The following CLEC3A variants were observed in gnomAD, a reference collection of about 807,000 sequenced individuals.
The protein encoded by CLEC3A is C-type lectin domain family 3 member A.
A neutral mutation model predicts 20.4 loss-of-function variants in CLEC3A; 28 were observed. The observed-to-expected ratio is 1.37, with a 90% CI of 1.02 to 1.88. The LOEUF is 1.88. CLEC3A is among the 40% of genes most tolerant of loss of function. The pLI is 0.00. For synonymous variants in CLEC3A, 110 were observed against 88.1 expected (o/e 1.25, Z -1.39); for missense variants, 357 against 240.4 (o/e 1.48, Z -3.21).
At chr16:78,024,946 C>T (rs968129780) in intron 1 of CLEC3A, among the ~76,000 whole-genome samples, 3 of 152,108 alleles carry the variant, frequency 2.0e-5, no homozygotes, top group African/African-American at 7.2e-5. Context: ...AGTACCTCAG[C>T]CTCTCAAGTA....
At chr16:78,026,828 C>A (rs1227291504) in intron 1 of CLEC3A, among the ~76,000 whole-genome samples, 2 of 152,210 alleles carry the variant, frequency 1.3e-5, no homozygotes, top group African/African-American at 2.4e-5. Flanking sequence ...GATCCTTTAG[C>A]CTCATCCAGG....
In CLEC3A at chr16:78,030,563, A is replaced by G; in HGVS notation, c.316A>G (p.Arg106Gly). Residue 106 changes from arginine to glycine, a missense_variant, in exon 3 of 3, where the codon AGG becomes GGG. By Grantham distance (125) the Arg-to-Gly change is moderately radical. Coordinates refer to ENST00000299642, the MANE Select transcript of CLEC3A (RefSeq NM_005752.6). ...ISKGGILVIP[R>G]NSDEINALQD... ...CAAAGGAGGAATCCTGGTTATCCCC[A>G]GGAACTCCGACGAAATCAACGCCCT... The G allele has an allele frequency of 6.2e-7, 1 of 1,614,188 alleles. No individual in the cohort carries two copies. Among genetic ancestry groups the G allele is most frequent in the Non-Finnish European group, 8.5e-7 (1 of 1,180,038 alleles).
chr16:78,023,237 T>C lies in CLEC3A; in HGVS notation c.115+496T>C, dbSNP rs537805571. ...TTCCTGTTTTGTCATTAGTTATCAT[T>C]AGCTGTATTTCCATATCCTTGGCAG... On this transcript the variant is annotated intron_variant, in intron 1 of 2. Transcript: ENST00000299642. 3.3e-5 allele frequency among the ~76,000 whole-genome samples: 5 copies of C among 152,336 alleles called. No individual in the cohort carries two copies. In the South Asian group the frequency reaches 8.3e-4, roughly 25 times the overall value.
rs541004698 is a variant in CLEC3A at position 78,030,821 on chromosome 16, G to C, written c.574G>C (p.Glu192Gln). 4.3e-6 allele frequency: 7 copies of C among 1,613,036 alleles called. No homozygotes were observed. In the African/African-American group the frequency reaches 6.7e-5, roughly 15 times the overall value. ...ACRSSKRYIC[E>Q]FTIPQ ...TCGCAGCAGCAAGAGATACATATGC[G>C]AGTTCACCATCCCTCAATAGGTCTT... Residue 192 changes from glutamate to glutamine, a missense_variant, in exon 3 of 3, where the codon GAG (glutamate) becomes CAG (glutamine). By Grantham distance (29) the Glu-to-Gln change is conservative. Transcript: ENST00000299642.
chr16:78,028,467 G>A (rs1264912883), intron 2 of CLEC3A, among the ~76,000 whole-genome samples: 2 of 152,196 alleles, frequency 1.3e-5, no homozygotes, highest in African/African-American at 4.8e-5. Flanking sequence ...GAAACAGAAT[G>A]AAGCCAGTAT....
chr16:78,028,966 G>A (rs1271885208), intron 2 of CLEC3A: 10 of 346,234 alleles, frequency 2.9e-5, no homozygotes, highest in South Asian at 9.1e-5. Context: ...TCAGGCTTCC[G>A]GGGGAACAGA....
rs573323112 is a variant in CLEC3A, at chr16:78,025,353, G to A, written c.115+2612G>A. Among the ~76,000 whole-genome samples the A allele has an allele frequency of 3.3e-4, 50 of 152,296 alleles. No individual in the cohort carries two copies. In the South Asian group the frequency reaches 0.01, roughly 32 times the overall value. On this transcript the variant is annotated intron_variant, in intron 1 of 2. Coordinates refer to ENST00000299642, the MANE Select transcript of CLEC3A (RefSeq NM_005752.6). ...TTTGATTCAATAGCCCCAAGTAACTGCTTTGCACACATACTGCTCCCCATG... is the reference window on the plus strand; with the variant it reads ...TTTGATTCAATAGCCCCAAGTAACTACTTTGCACACATACTGCTCCCCATG...
chr16:78,030,318 A>G (rs1191962890), intron 2 of CLEC3A, 129 bp from the exon 3 acceptor site: 21 of 845,816 alleles, frequency 2.5e-5, no homozygotes, highest in Middle Eastern at 2.9e-4. Flanking sequence ...GGCACATAGA[A>G]AATTTTAACT....
rs146530976 is a variant in CLEC3A at position 78,028,132 on chromosome 16, A to T, written c.141A>T (p.Gln47His). ...VRDKDGDLKT[Q>H]IEKLWTEVNA... The stretch of plus-strand genomic sequence containing the variant: ...ACAAGGATGGAGATCTGAAGACTCA[A>T]ATTGAAAAGCTCTGGACAGAAGTCA... Residue 47 changes from glutamine to histidine, a missense_variant, in exon 2 of 3, where the codon CAA (glutamine) becomes CAT (histidine). Transcript: ENST00000299642. 344 of 1,611,944 alleles carry T rather than the reference A, an allele frequency of 2.1e-4. No individual in the cohort carries two copies. The African/African-American group carries it at 4.0e-3, about 19-fold the overall frequency.
Position 78,030,403 on chromosome 16 carries a change from C to T in CLEC3A, c.200-44C>T. 3 of 1,525,068 alleles carry T rather than the reference C, an allele frequency of 2.0e-6. 1 individual carries two copies. In the South Asian group the frequency reaches 3.9e-5, roughly 20 times the overall value. The allele number at this position is 1,525,068 out of a possible 1,614,324, so 94.5% of individuals were successfully genotyped here. A position where few individuals can be genotyped will look rare whatever the true frequency, so the allele number is the denominator to read the frequency against. On this transcript the variant is annotated intron_variant, in intron 2 of 2. Transcript: ENST00000299642. ...GCCAGGTCCAGCCCTAGTCATAATACACTCAAAATGCATCTTAATATGTTA... is the reference window on the plus strand; with the variant it reads ...GCCAGGTCCAGCCCTAGTCATAATATACTCAAAATGCATCTTAATATGTTA...
intron 1 of CLEC3A, 149 bp from the exon 2 acceptor site, chr16:78,027,958 A>G: frequency 1.5e-6 from 1 of 666,396 alleles, no homozygotes; most frequent in South Asian, 1.8e-5. Context: ...GCCAGCCCCA[A>G]GTTATTTTCA....
At chr16:78,029,426 TG>T (rs756611633) in intron 2 of CLEC3A, among the ~76,000 whole-genome samples, 2 of 152,200 alleles carry the variant, frequency 1.3e-5, no homozygotes, top group Non-Finnish European at 2.9e-5. Flanking sequence ...TGGAGTACAA[TG>T]GCGCAATCTC....
chr16:78,030,116 G>A (rs1057491999), intron 2 of CLEC3A, among the ~76,000 whole-genome samples: 18 of 131,240 alleles, frequency 1.4e-4, no homozygotes, highest in Admixed American at 4.7e-4. Context: ...TGGCGCCACT[G>A]CACTCCAGCC....
rs770103147 is a variant in CLEC3A, at chr16:78,030,713, C to G, written c.466C>G (p.Arg156Gly). 3 of 1,614,134 alleles carry G rather than the reference C, an allele frequency of 1.9e-6. No individual in the cohort carries two copies. The highest frequency in any genetic ancestry group is 2.5e-6 in the Non-Finnish European group (3 of 1,180,030). The part of the protein sequence containing the change: ...GIAISFLNWD[R>G]AQPNGGKREN... ...CGCTATCTCCTTCCTCAACTGGGAC[C>G]GTGCACAGCCTAACGGTGGCAAGCG... Residue 156 changes from arginine to glycine, a missense_variant, in exon 3 of 3, where the codon CGT (arginine) becomes GGT (glycine). Transcript: ENST00000299642.
At chr16:78,023,661 G>T (rs1316565186) in intron 1 of CLEC3A, among the ~76,000 whole-genome samples, 2 of 152,024 alleles carry the variant, frequency 1.3e-5, no homozygotes, top group African/African-American at 4.8e-5. Context: ...ATGACAGATG[G>T]CTGGTGGGTA....
At position 78,030,568 on chromosome 16, in the gene CLEC3A, C is replaced by T. The variant is rs763877199; in HGVS notation, c.321C>T (p.Asn107=). 1.9e-6 allele frequency: 3 copies of T among 1,614,068 alleles called. No homozygotes were observed. Among genetic ancestry groups the T allele is most frequent in the African/African-American group, 2.7e-5 (2 of 74,920 alleles). The change falls in exon 3 of 3, where the codon AAC becomes AAT. Residue 107 remains asparagine (N), a synonymous_variant. Coordinates refer to ENST00000299642, the MANE Select transcript of CLEC3A (RefSeq NM_005752.6). The part of the protein sequence containing the change: ...SKGGILVIPR[N]SDEINALQDY... ...GAGGAATCCTGGTTATCCCCAGGAA[C>T]TCCGACGAAATCAACGCCCTCCAAG...
At chr16:78,028,572 G>A (rs1339809799) in intron 2 of CLEC3A, among the ~76,000 whole-genome samples, 1 of 152,234 alleles carries the variant, frequency 6.6e-6, no homozygotes, top group Non-Finnish European at 1.5e-5. Flanking sequence ...TAAGATGCTG[G>A]AAGGACATGG....
At position 78,022,680 on chromosome 16, in the gene CLEC3A, C is replaced by T; in HGVS notation, c.54C>T (p.Asp18=). ...TCCTGGTGATCACCTTACTCCTGGA[C>T]CAGACCACCAGCCACACATCCAGAT... is the stretch of plus-strand genomic sequence containing the variant. ...ICILVITLLL[D]QTTSHTSRLK... Residue 18 remains aspartate, a synonymous_variant, in exon 1 of 3, where the codon GAC becomes GAT. Transcript: ENST00000299642. 6.2e-7 allele frequency: 1 copy of T among 1,614,136 alleles called. No homozygotes were observed. The highest frequency in any genetic ancestry group is 8.5e-7 in the Non-Finnish European group (1 of 1,180,038).
At chr16:78,029,582 C>T (rs901823270) in intron 2 of CLEC3A, among the ~76,000 whole-genome samples, 1 of 152,062 alleles carries the variant, frequency 6.6e-6, no homozygotes, top group African/African-American at 2.4e-5. Context: ...GTTGGCCAGA[C>T]TGGTCTTGAA....
Sources: gnomAD v4.1 joint callset for allele counts (sites outside exome capture counted in the v4.1 genomes callset) on GRCh38, gnomAD v4.1.1 for gene constraint, MANE v1.5 for transcripts, NCBI Gene and HGNC (gene_info 2026-07-23, HGNC 2026-07-21) for gene names.